The following CNTNAP2 variants were observed in gnomAD, a reference collection of about 807,000 sequenced individuals.
CNTNAP2 encodes the protein contactin-associated protein-like 2.
A neutral mutation model predicts 155.2 loss-of-function variants in CNTNAP2; 98 were observed. That is an observed-to-expected ratio of 0.63 (90% CI 0.54 to 0.75). The LOEUF is 0.75. Ranked by LOEUF, CNTNAP2 falls within the 30% of genes least tolerant of loss-of-function variation. The probability of loss-of-function intolerance (pLI) is 0.00; values close to 1 mark genes in which losing one functional copy is unlikely to be tolerated. For synonymous variants in CNTNAP2, 651 were observed against 631.2 expected (o/e 1.03, Z -0.47); for missense variants, 1,727 against 1,688.1 (o/e 1.02, Z -0.40).
At chr7:147,432,198 T>TG (rs1323982256) in intron 10 of CNTNAP2, among the ~76,000 whole-genome samples, 4 of 152,104 alleles carry the variant, frequency 2.6e-5, no homozygotes, top group Admixed American at 2.0e-4. Context: ...TTTCCTGCTG[T>TG]GGGGGTCTCT....
intron 1 of CNTNAP2, among the ~76,000 whole-genome samples, chr7:146,316,775 T>C (rs1800913797): frequency 6.6e-6 from 1 of 150,934 alleles, no homozygotes; most frequent in South Asian, 2.1e-4. Context: ...TTTTTTTTAA[T>C]AAAAACTACT....
intron 1 of CNTNAP2, among the ~76,000 whole-genome samples, chr7:146,382,801 C>T (rs1795408690): frequency 6.6e-6 from 1 of 151,912 alleles, no homozygotes; most frequent in Admixed American, 6.6e-5. Context: ...ACGGTGCTGC[C>T]ATGAGTTATG....
chr7:147,316,976 A>T (rs574720792), intron 9 of CNTNAP2, among the ~76,000 whole-genome samples: 14 of 152,364 alleles, frequency 9.2e-5, no homozygotes, highest in Admixed American at 1.3e-4. Flanking sequence ...TATTTTCCAT[A>T]TCAGTGAATG....
At position 147,953,948 on chromosome 7, in the gene CNTNAP2, G is replaced by T. The variant is rs553569800; in HGVS notation, c.2256-23914G>T. 9.2e-5 allele frequency among the ~76,000 whole-genome samples: 14 copies of T among 152,260 alleles called. No homozygotes were observed. The East Asian group carries it at 2.7e-3, about 29-fold the overall frequency. ...ATTACATCTGCAAAGGTCATATCGA[G>T]AAGTACCAGGGGTTAGAACTTGAAA... On this transcript the variant is annotated intron_variant, in intron 14 of 23. Transcript: ENST00000361727.
At chr7:146,970,991 C>T (rs1234170949) in intron 3 of CNTNAP2, among the ~76,000 whole-genome samples, 1 of 152,072 alleles carries the variant, frequency 6.6e-6, no homozygotes, top group Non-Finnish European at 1.5e-5. Flanking sequence ...TATTCTCACT[C>T]ATAGGCAGGA....
chr7:148,134,494 C>T (rs529120775), intron 16 of CNTNAP2, among the ~76,000 whole-genome samples: 1 of 152,158 alleles, frequency 6.6e-6, no homozygotes, highest in South Asian at 2.1e-4. Context: ...GAACTTATAT[C>T]TTGTTCAAAA....
intron 1 of CNTNAP2, among the ~76,000 whole-genome samples, chr7:146,151,682 G>GTGTATA (rs1373500780): frequency 1.3e-5 from 1 of 74,124 alleles, no homozygotes; most frequent in Non-Finnish European, 2.8e-5. Context: ...ATATATATAT[G>GTGTATA]TATATATATA....
At chr7:147,616,336 C>T (rs1205198633) in intron 12 of CNTNAP2, among the ~76,000 whole-genome samples, 1 of 152,144 alleles carries the variant, frequency 6.6e-6, no homozygotes, top group East Asian at 1.9e-4. Context: ...CAACTAAAAG[C>T]ATAAATCATT....
chr7:146,832,071 T>C (rs1803523686), intron 2 of CNTNAP2, among the ~76,000 whole-genome samples: 1 of 152,214 alleles, frequency 6.6e-6, no homozygotes, highest in Admixed American at 6.5e-5. Flanking sequence ...TATCTGCACT[T>C]GGTTGAAGCC....
At chr7:146,748,147 T>TTC (rs1554475976) in intron 1 of CNTNAP2, among the ~76,000 whole-genome samples, 1 of 140,164 alleles carries the variant, frequency 7.1e-6, no homozygotes, top group Non-Finnish European at 1.5e-5. Flanking sequence ...TCTTTTCTTT[T>TTC]TTTTTTTTTT....
At chr7:147,300,609 G>A (rs1794930610) in intron 9 of CNTNAP2, among the ~76,000 whole-genome samples, 1 of 152,168 alleles carries the variant, frequency 6.6e-6, no homozygotes, top group Admixed American at 6.5e-5. Flanking sequence ...CTAGTGCTTT[G>A]TAACTAATTA....
chr7:148,080,390 G>A (rs1218630745), intron 15 of CNTNAP2, among the ~76,000 whole-genome samples: 2 of 151,972 alleles, frequency 1.3e-5, no homozygotes. Flanking sequence ...CGGATCACGA[G>A]GTCAGGAGAT....
chr7:147,162,915 C>T lies in CNTNAP2; in HGVS notation c.1348+30406C>T, dbSNP rs750840058. 6.6e-5 allele frequency among the ~76,000 whole-genome samples: 10 copies of T among 152,100 alleles called. No homozygotes were observed. In the East Asian group the frequency reaches 7.7e-4, roughly 12 times the overall value. ...GCTTCTCGCTCTTGGGTTTTCACGT[C>T]GGCTGGGGTTGTGTTCATGTCTGCT... is the stretch of plus-strand genomic sequence containing the variant. On this transcript the variant is annotated intron_variant, in intron 8 of 23. Coordinates refer to ENST00000361727, the MANE Select transcript of CNTNAP2 (RefSeq NM_014141.6).
chr7:146,320,120 T>C (rs1366715146), intron 1 of CNTNAP2, among the ~76,000 whole-genome samples: 1 of 152,004 alleles, frequency 6.6e-6, no homozygotes, highest in African/African-American at 2.4e-5. Flanking sequence ...TGAGTATAAA[T>C]TGTTTAAAAT....
chr7:148,059,413 G>A (rs1284576989), intron 15 of CNTNAP2, among the ~76,000 whole-genome samples: 1 of 152,014 alleles, frequency 6.6e-6, no homozygotes, highest in Non-Finnish European at 1.5e-5. Flanking sequence ...CCAACATGGT[G>A]AAACCCCTTC....
At position 148,217,325 on chromosome 7, in the gene CNTNAP2, A is replaced by G. The variant is rs1482426865; in HGVS notation, c.3048A>G (p.Arg1016=). Residue 1016 remains arginine (R), a synonymous_variant, in exon 19 of 24, where the codon CGA becomes CGG. Coordinates refer to ENST00000361727, the MANE Select transcript of CNTNAP2 (RefSeq NM_014141.6). ...TTTTTGAAGAAGGGATGTGGCTACGATATAACTTTCAGGCACCAGCAACAA... is the reference window on the plus strand; with the variant it reads ...TTTTTGAAGAAGGGATGTGGCTACGGTATAACTTTCAGGCACCAGCAACAA... ...GAFFEEGMWL[R]YNFQAPATNA... is the part of the protein sequence containing the mutation. The G allele has an allele frequency of 6.2e-7, 1 of 1,614,110 alleles. No individual in the cohort carries two copies. The highest frequency in any genetic ancestry group is 1.1e-5 in the South Asian group (1 of 91,076).
chr7:147,379,417 G>T (rs1194693671), intron 9 of CNTNAP2, among the ~76,000 whole-genome samples: 1 of 151,984 alleles, frequency 6.6e-6, no homozygotes, highest in Non-Finnish European at 1.5e-5. Flanking sequence ...TTTTTGGATT[G>T]TGAGTTTAAA....
intron 1 of CNTNAP2, among the ~76,000 whole-genome samples, chr7:146,388,624 T>C (rs1444897921): frequency 6.6e-6 from 1 of 152,110 alleles, no homozygotes; most frequent in Non-Finnish European, 1.5e-5. Flanking sequence ...TCACACTCTG[T>C]AAGTTATTTA....
intron 3 of CNTNAP2, among the ~76,000 whole-genome samples, chr7:146,873,971 G>A (rs1314956970): frequency 6.6e-6 from 1 of 152,044 alleles, no homozygotes; most frequent in East Asian, 1.9e-4. Context: ...TTCATGATTT[G>A]TAGGGGGCAC....
Sources: allele counts gnomAD v4.1 joint callset (sites outside exome capture counted in the v4.1 genomes callset), GRCh38; gene constraint gnomAD v4.1.1; transcripts MANE v1.5; gene names NCBI Gene and HGNC (gene_info 2026-07-23, HGNC 2026-07-21).